Variants in LRRC49 observed in about 807,000 individuals in gnomAD.
The protein encoded by LRRC49 is leucine rich repeat containing 49, also known as leucine-rich repeat-containing protein 49.
Under a neutral mutation model 83.3 loss-of-function variants are expected in LRRC49, and 50 were observed. The observed-to-expected ratio is 0.60, with a 90% CI of 0.48 to 0.76. The LOEUF (loss-of-function observed/expected upper bound fraction) is 0.76. Among genes scored for constraint, LRRC49 ranks in the 30% least tolerant of loss-of-function variants. The pLI is 0.00. For synonymous variants in LRRC49, 286 were observed against 283.3 expected (o/e 1.01, Z -0.10); for missense variants, 704 against 809.1 (o/e 0.87, Z 1.58).
intron 3 of LRRC49, among the ~76,000 whole-genome samples, chr15:70,897,520 T>C (rs1218969819): frequency 1.3e-5 from 2 of 152,202 alleles, no homozygotes; most frequent in African/African-American, 4.8e-5. Flanking sequence ...TTCTTGACTT[T>C]TGTACTCAAA....
At chr15:70,891,877 G>A, upstream of LRRC49, 3 of 1,609,558 alleles carry the variant, frequency 1.9e-6, no homozygotes, top group African/African-American at 1.3e-5. Flanking sequence ...CAGCTCGGGG[G>A]CGTGTACAGG....
In LRRC49 at chr15:70,904,537, T is replaced by C; in HGVS notation, c.297-15T>C. On this transcript the variant is annotated splice_polypyrimidine_tract_variant and intron_variant, in intron 4 of 15. Coordinates refer to ENST00000260382, the MANE Select transcript of LRRC49 (RefSeq NM_017691.5). ...CTGAATCATAACCTAATTAACTTTT[T>C]AACATTTTTTCTAGACAAAAGCTGA... 2 of 1,587,508 alleles carry C rather than the reference T, an allele frequency of 1.3e-6. No homozygotes were observed. The highest frequency in any genetic ancestry group is 8.6e-7 in the Non-Finnish European group (1 of 1,157,830).
intron 15 of LRRC49, 52 bp downstream of exon 15, chr15:71,037,384 G>A: frequency 6.9e-7 from 1 of 1,450,390 alleles, no homozygotes; most frequent in South Asian, 1.3e-5. Flanking sequence ...ATCCCACATG[G>A]CTTGGAATTT....
chr15:71,005,082 TA>T (rs1392158296), intron 11 of LRRC49, among the ~76,000 whole-genome samples: 1 of 152,158 alleles, frequency 6.6e-6, no homozygotes, highest in Admixed American at 6.5e-5. Context: ...ATATTATACA[TA>T]ATCAGGTTTT....
intron 1 of LRRC49, chr15:70,859,366 T>C: frequency 1.3e-6 from 1 of 770,230 alleles, no homozygotes; most frequent in Non-Finnish European, 2.4e-6. Context: ...AAGGGCTGAC[T>C]GACGAGATGG....
chr15:70,924,861 T>C (rs994660962), intron 7 of LRRC49, among the ~76,000 whole-genome samples: 2 of 152,058 alleles, frequency 1.3e-5, no homozygotes, highest in Admixed American at 6.5e-5. Context: ...TTCCCAGACG[T>C]TTGAATATCA....
At position 71,053,462 on chromosome 15, in the gene LRRC49, T is replaced by C. The variant is rs1352992091; in HGVS notation, c.*3850T>C. 6.6e-6 allele frequency: 1 copy of C among 152,194 alleles called. No homozygotes were observed. The highest frequency in any genetic ancestry group is 1.9e-4 in the East Asian group (1 of 5,198). 9.4% of individuals were successfully genotyped at this position (152,194 alleles called of 1,614,324 possible). On this transcript the variant is annotated 3_prime_UTR_variant, in exon 16 of 16. Transcript: ENST00000260382. ...CAACATGTACAATATATACAAGATA[T>C]ACCACACATCTCAGCATATGTTGAG...
chr15:71,029,698 G>A (rs1363705396), intron 14 of LRRC49, among the ~76,000 whole-genome samples: 2 of 152,142 alleles, frequency 1.3e-5, no homozygotes, highest in Admixed American at 6.6e-5. Context: ...ATGAATCTGG[G>A]TGCTCCCGTA....
intron 1 of LRRC49, among the ~76,000 whole-genome samples, chr15:70,865,021 C>G (rs1008551849): frequency 1.3e-5 from 2 of 152,148 alleles, no homozygotes; most frequent in African/African-American, 4.8e-5. Context: ...CATTTTCTTC[C>G]TTTTTTCTCC....
intron 7 of LRRC49, among the ~76,000 whole-genome samples, chr15:70,922,891 A>G (rs1007074114): frequency 7.9e-5 from 12 of 152,012 alleles, no homozygotes; most frequent in Admixed American, 2.6e-4. Context: ...GATATCCCCA[A>G]AATAATAGGA....
chr15:70,957,773 A>G (rs1316960312), intron 8 of LRRC49, among the ~76,000 whole-genome samples: 1 of 152,212 alleles, frequency 6.6e-6, no homozygotes, highest in African/African-American at 2.4e-5. Flanking sequence ...ATCCTATGGT[A>G]GTTGGAGGAA....
rs1379363057 is a variant in LRRC49, at chr15:71,016,276, A to G, written c.1703+3363A>G. ...AAAAATACTTTAATGCTTCTGAATT[A>G]AAGAGGAAATAAAGCTAAAATAATA... On this transcript the variant is annotated intron_variant, in intron 14 of 15. Transcript: ENST00000260382. Among the ~76,000 whole-genome samples the G allele has an allele frequency of 3.3e-5, 5 of 152,104 alleles. No individual in the cohort carries two copies. The South Asian group carries it at 8.3e-4, about 25-fold the overall frequency.
chr15:70,918,833 G>C, intron 6 of LRRC49: 1 of 442,070 alleles, frequency 2.3e-6, no homozygotes, highest in Non-Finnish European at 4.0e-6. Flanking sequence ...TGTTTACTAT[G>C]GTCAAATTGT....
intron 5 of LRRC49, among the ~76,000 whole-genome samples, chr15:70,905,246 AG>A (rs2034257195): frequency 6.6e-6 from 1 of 152,214 alleles, no homozygotes; most frequent in Non-Finnish European, 1.5e-5. Flanking sequence ...TCTATTCCGT[AG>A]TGCAACTATA....
chr15:70,947,950 T>C (rs560587211), intron 8 of LRRC49, among the ~76,000 whole-genome samples: 1 of 152,072 alleles, frequency 6.6e-6, no homozygotes, highest in South Asian at 2.1e-4. Flanking sequence ...AGGAAAGGGG[T>C]GTTTTATTAC....
intron 14 of LRRC49, among the ~76,000 whole-genome samples, chr15:71,031,467 C>T (rs1292087568): frequency 6.6e-6 from 1 of 152,166 alleles, no homozygotes; most frequent in South Asian, 2.1e-4. Flanking sequence ...TCAGGAGGCA[C>T]GGGGGTCAGG....
Position 71,024,784 on chromosome 15 carries a change from T to C in LRRC49, c.1703+11871T>C, listed in dbSNP as rs1206267340. ...TGATTTGGATGAATTGACAAAATAG[T>C]GCAAAGAAGCCAAGAACCATGCTAA... On this transcript the variant is annotated intron_variant, in intron 14 of 15. Transcript: ENST00000260382. Among the ~76,000 whole-genome samples the C allele has an allele frequency of 8.6e-5, 13 of 151,020 alleles. No homozygotes were observed. The East Asian group carries it at 2.3e-3, about 27-fold the overall frequency.
intron 3 of LRRC49, chr15:70,900,667 G>A (rs1179665361): frequency 2.1e-6 from 1 of 475,808 alleles, no homozygotes; most frequent in Non-Finnish European, 4.0e-6. Flanking sequence ...GATAGCACTG[G>A]ACTAGTTCTG....
At chr15:70,898,590 A>C in intron 3 of LRRC49, 1 of 515,594 alleles carries the variant, frequency 1.9e-6, no homozygotes, top group Non-Finnish European at 3.4e-6. Flanking sequence ...CATCTTGAAC[A>C]TGGGTAATAT....
Sources: gnomAD v4.1 joint callset for allele counts (sites outside exome capture counted in the v4.1 genomes callset) on GRCh38, gnomAD v4.1.1 for gene constraint, MANE v1.5 for transcripts, NCBI Gene and HGNC (gene_info 2026-07-23, HGNC 2026-07-21) for gene names.